The following TXNRD3 variants were observed in gnomAD, a reference collection of about 807,000 sequenced individuals.
TXNRD3 encodes thioredoxin reductase 3.
Under a neutral mutation model 78.2 loss-of-function variants are expected in TXNRD3, and 68 were observed. The observed-to-expected ratio is 0.87, with a 90% CI of 0.72 to 1.06. The LOEUF is 1.06. TXNRD3 is among the 50% of genes least tolerant of loss of function. TXNRD3 has a pLI of 0.00. For missense variants in TXNRD3, 751 were observed against 809.5 expected, an observed-to-expected ratio of 0.93 and a Z score of 0.88; for synonymous variants, 296 against 300.1, an observed-to-expected ratio of 0.99 and a Z score of 0.14.
At chr3:126,614,509 A>T (rs568460819) in intron 13 of TXNRD3, among the ~76,000 whole-genome samples, 1 of 152,194 alleles carries the variant, frequency 6.6e-6, no homozygotes, top group African/African-American at 2.4e-5. Context: ...AACCAATGCA[A>T]AAAGGATAGC....
intron 9 of TXNRD3, 120 bp downstream of exon 9, chr3:126,630,592 G>A (rs532363990): frequency 5.2e-5 from 56 of 1,079,224 alleles, no homozygotes; most frequent in Middle Eastern, 6.1e-4. Context: ...TGTAGACTTG[G>A]GAGTGGAAAC....
At chr3:126,654,212 T>C (rs1384728583) in intron 1 of TXNRD3, among the ~76,000 whole-genome samples, 1 of 152,172 alleles carries the variant, frequency 6.6e-6, no homozygotes, top group African/African-American at 2.4e-5. Flanking sequence ...GCCTATAATT[T>C]CATGAACTCA....
At position 126,611,034 on chromosome 3, in the gene TXNRD3, T is replaced by C. The variant is rs1265533077; in HGVS notation, c.1728+3A>G. 10 of 1,492,916 alleles carry C rather than the reference T, an allele frequency of 6.7e-6. No individual in the cohort carries two copies. The highest frequency in any genetic ancestry group is 2.1e-5 in the Admixed American group (1 of 47,144). The allele number at this position is 1,492,916 out of a possible 1,614,324, so 92.5% of individuals were successfully genotyped here. A position where few individuals can be genotyped will look rare whatever the true frequency, so the allele number is the denominator to read the frequency against. On this transcript the variant is annotated splice_donor_region_variant and intron_variant, in intron 14 of 15. Coordinates refer to ENST00000524230, the MANE Select transcript of TXNRD3 (RefSeq NM_052883.3). Reference sequence around the variant, plus strand: ...CATTTTGGCTTCTAGTGGTATTACATACATGGTCGAATTTATTGCAGATTA... The same window carrying C: ...CATTTTGGCTTCTAGTGGTATTACACACATGGTCGAATTTATTGCAGATTA...
intron 15 of TXNRD3, 127 bp from the exon 16 acceptor site, chr3:126,608,100 C>T: frequency 1.4e-6 from 1 of 690,502 alleles, no homozygotes; most frequent in Non-Finnish European, 2.2e-6. Flanking sequence ...GTGGCTCATG[C>T]CTGTAATCCC....
intron 3 of TXNRD3, among the ~76,000 whole-genome samples, chr3:126,645,060 G>C (rs1212209864): frequency 6.6e-6 from 1 of 152,144 alleles, no homozygotes; most frequent in Non-Finnish European, 1.5e-5. Flanking sequence ...CATTACCTTG[G>C]CTTTAGACAA....
intron 9 of TXNRD3, among the ~76,000 whole-genome samples, chr3:126,630,057 G>C (rs1423367559): frequency 6.6e-6 from 1 of 152,338 alleles, no homozygotes; most frequent in Admixed American, 6.5e-5. Flanking sequence ...AATGGGTGCT[G>C]GAGTCTGTAG....
Position 126,644,472 on chromosome 3 carries a change from G to A in TXNRD3, c.415-71C>T. 3 of 967,944 alleles carry A rather than the reference G, an allele frequency of 3.1e-6. No homozygotes were observed. The South Asian group carries it at 4.8e-5, about 15-fold the overall frequency. The allele number at this position is 967,944 out of a possible 1,614,324, so 60.0% of individuals were successfully genotyped here. A position where few individuals can be genotyped will look rare whatever the true frequency, so the allele number is the denominator to read the frequency against. On this transcript the variant is annotated intron_variant, in intron 3 of 15. Transcript: ENST00000524230. ...TTACAGCTATTTATGTACACCCTAT[G>A]TTCAACTGGTATGGATTTCTTTTAT... is the stretch of plus-strand genomic sequence containing the variant.
chr3:126,624,379 T>G (rs1330848640), intron 10 of TXNRD3, among the ~76,000 whole-genome samples: 1 of 151,842 alleles, frequency 6.6e-6, no homozygotes, highest in East Asian at 1.9e-4. Context: ...AGACAAACGG[T>G]CTATGAGAAG....
chr3:126,608,618 A>C lies in TXNRD3; in HGVS notation c.1744T>G (p.Phe582Val). The C allele has an allele frequency of 6.5e-7, 1 of 1,535,676 alleles. No homozygotes were observed. The highest frequency in any genetic ancestry group is 8.7e-7 in the Non-Finnish European group (1 of 1,146,720). Reference sequence around the variant, plus strand: ...CCGGCGTTTGGTCCAAGAATATGAAATCCTATCACCCGATCCTTTAATACA... The same window carrying C: ...CCGGCGTTTGGTCCAAGAATATGAACTCCTATCACCCGATCCTTTAATACA... The change falls in exon 15 of 16, where the codon TTT becomes GTT. Residue 582 changes from phenylalanine (F) to valine (V), a missense_variant. By Grantham distance (50) the Phe-to-Val change is conservative. Coordinates refer to ENST00000524230, the MANE Select transcript of TXNRD3 (RefSeq NM_052883.3).
intron 12 of TXNRD3, among the ~76,000 whole-genome samples, chr3:126,616,786 G>A (rs143965893): frequency 8.7e-4 from 132 of 152,164 alleles, no homozygotes; most frequent in African/African-American, 3.0e-3. Context: ...ACACCACCAC[G>A]TATCCCCCAA....
intron 13 of TXNRD3, among the ~76,000 whole-genome samples, chr3:126,611,914 G>C (rs544053652): frequency 6.6e-6 from 1 of 152,160 alleles, no homozygotes; most frequent in Non-Finnish European, 1.5e-5. Flanking sequence ...TGCATGTAGA[G>C]TTAAAACAAA....
intron 11 of TXNRD3, 75 bp downstream of exon 11, chr3:126,622,389 G>A: frequency 2.0e-6 from 2 of 997,624 alleles, no homozygotes; most frequent in African/African-American, 1.6e-5. Flanking sequence ...GTAATTAAAT[G>A]AGAATTTCTT....
intron 14 of TXNRD3, among the ~76,000 whole-genome samples, chr3:126,610,087 C>T (rs75625514): frequency 0.022 from 3,379 of 152,258 alleles, 53 homozygotes; most frequent in Non-Finnish European, 0.031. Context: ...TAGCCATATG[C>T]AACTACCAAC....
chr3:126,626,958 T>C (rs1938593351), intron 10 of TXNRD3, among the ~76,000 whole-genome samples: 1 of 150,580 alleles, frequency 6.6e-6, no homozygotes, highest in Non-Finnish European at 1.5e-5. Context: ...CATGGTGGCA[T>C]GTGCCTGTGG....
chr3:126,628,999 A>G (rs1429121902), intron 10 of TXNRD3, among the ~76,000 whole-genome samples: 1 of 152,068 alleles, frequency 6.6e-6, no homozygotes, highest in Admixed American at 6.5e-5. Flanking sequence ...TTGTTTGGAG[A>G]TTTTGTACTG....
At chr3:126,614,080 T>A (rs1576280397) in intron 13 of TXNRD3, among the ~76,000 whole-genome samples, 1 of 152,300 alleles carries the variant, frequency 6.6e-6, no homozygotes, top group South Asian at 2.1e-4. Context: ...GTGTCTTCAT[T>A]TTTTTATAAA....
intron 15 of TXNRD3, 24 bp downstream of exon 15, chr3:126,608,475 T>C (rs563572470): frequency 6.6e-7 from 1 of 1,510,728 alleles, no homozygotes; most frequent in Non-Finnish European, 8.8e-7. Flanking sequence ...CTGAAGCCAA[T>C]TTTTAAAACC....
rs1933103808 is a variant in TXNRD3, at chr3:126,642,055, A to G, written c.689T>C (p.Phe230Ser). The change falls in exon 6 of 16, where the codon TTT becomes TCT. Residue 230 changes from phenylalanine to serine, a missense_variant. Transcript: ENST00000524230. ...ACCTTGTTGATTATATTCCCAGCCAAATTTCCTTGAGTCACATAATGCCTG... is the reference window on the plus strand; with the variant it reads ...ACCTTGTTGATTATATTCCCAGCCAGATTTCCTTGAGTCACATAATGCCTG... 3 of 1,535,550 alleles carry G rather than the reference A, an allele frequency of 2.0e-6. No homozygotes were observed. The highest frequency in any genetic ancestry group is 3.9e-5 in the Admixed American group (2 of 50,870).
chr3:126,632,103 A>G lies in TXNRD3; in HGVS notation c.856-224T>C, dbSNP rs562275168. On this transcript the variant is annotated intron_variant, in intron 7 of 15. Coordinates refer to ENST00000524230, the MANE Select transcript of TXNRD3 (RefSeq NM_052883.3). ...GGTAGGGTAGTGGACTAGAAAGCCA[A>G]TCAAGGATGTATTAAAGAAGGAGTA... is the stretch of plus-strand genomic sequence containing the variant. Among the ~76,000 whole-genome samples the G allele has an allele frequency of 2.6e-5, 4 of 152,336 alleles. No individual in the cohort carries two copies. The South Asian group carries it at 6.2e-4, about 24-fold the overall frequency.
Sources: gnomAD v4.1 joint callset for allele counts (sites outside exome capture counted in the v4.1 genomes callset) on GRCh38, gnomAD v4.1.1 for gene constraint, MANE v1.5 for transcripts, NCBI Gene and HGNC (gene_info 2026-07-23, HGNC 2026-07-21) for gene names.